PRIM2: variants seen among roughly 807,000 people sequenced by gnomAD.
PRIM2 encodes the protein DNA primase subunit 2, also known as DNA primase large subunit.
PRIM2 carries 39 observed loss-of-function variants against 67.3 expected under a neutral mutation model. That is an observed-to-expected ratio of 0.58 (90% CI 0.45 to 0.76). The LOEUF (loss-of-function observed/expected upper bound fraction) is 0.76. PRIM2 is among the 30% of genes least tolerant of loss of function. The pLI is 0.00. For synonymous variants in PRIM2, 143 were observed against 198.7 expected, an observed-to-expected ratio of 0.72 and a Z score of 2.36; for missense variants, 398 against 598.7, an observed-to-expected ratio of 0.66 and a Z score of 3.50.
At chr6:57,524,561 C>T (rs1425360702) in intron 8 of PRIM2, among the ~76,000 whole-genome samples, 1 of 151,994 alleles carries the variant, frequency 6.6e-6, no homozygotes, top group Non-Finnish European at 1.5e-5. Context: ...ATTAGCCAGG[C>T]ATGGTGGCAC....
At chr6:57,525,613 A>G (rs1774733606) in intron 8 of PRIM2, among the ~76,000 whole-genome samples, 1 of 152,200 alleles carries the variant, frequency 6.6e-6, no homozygotes, top group Admixed American at 6.5e-5. Flanking sequence ...TTTCAACAAC[A>G]TTCTAATAAC....
chr6:57,627,308 AG>A (rs1776966797), intron 12 of PRIM2, among the ~76,000 whole-genome samples: 1 of 143,128 alleles, frequency 7.0e-6, no homozygotes, highest in Non-Finnish European at 1.5e-5. Flanking sequence ...AAAAAAAAAA[AG>A]TTTAAAAATA....
At chr6:57,578,654 CTCCT>C (rs1776005302) in intron 10 of PRIM2, among the ~76,000 whole-genome samples, 2 of 149,626 alleles carry the variant, frequency 1.3e-5, no homozygotes, top group African/African-American at 4.9e-5. Flanking sequence ...CTTGACACAC[CTCCT>C]TCCTTCTTTT....
chr6:57,439,047 A>G (rs1307091218), intron 7 of PRIM2, among the ~76,000 whole-genome samples: 1 of 152,100 alleles, frequency 6.6e-6, no homozygotes, highest in Non-Finnish European at 1.5e-5. Context: ...GCATCTTAGG[A>G]TAGAAATCAC....
At chr6:57,576,912 C>CT (rs1305474825) in intron 10 of PRIM2, among the ~76,000 whole-genome samples, 6 of 150,840 alleles carry the variant, frequency 4.0e-5, no homozygotes, top group African/African-American at 1.5e-4. Context: ...ACAAAATCAT[C>CT]TTTTTTATAC....
intron 7 of PRIM2, among the ~76,000 whole-genome samples, chr6:57,454,333 T>C (rs1161711543): frequency 1.3e-5 from 2 of 152,234 alleles, no homozygotes; most frequent in Admixed American, 6.5e-5. Flanking sequence ...CCTCTTTTTC[T>C]ATTGATTGGA....
chr6:57,603,103 C>T (rs1463766709), intron 11 of PRIM2, among the ~76,000 whole-genome samples: 2 of 152,084 alleles, frequency 1.3e-5, no homozygotes, highest in Non-Finnish European at 2.9e-5. Context: ...ATGTTTTCTC[C>T]CCATCTGTGC....
chr6:57,352,528 C>T (rs1024232458), intron 5 of PRIM2, among the ~76,000 whole-genome samples: 3 of 152,144 alleles, frequency 2.0e-5, no homozygotes, highest in African/African-American at 4.8e-5. Flanking sequence ...TGTGAGCCAC[C>T]ACGCCCGGCC....
chr6:57,638,658 G>A (rs1777169006), intron 13 of PRIM2, among the ~76,000 whole-genome samples: 1 of 135,788 alleles, frequency 7.4e-6, no homozygotes, highest in Admixed American at 7.6e-5. Context: ...AAGATCAAAA[G>A]AGAGACGGGC....
chr6:57,407,438 T>G (rs1770928323), intron 7 of PRIM2, among the ~76,000 whole-genome samples: 1 of 151,916 alleles, frequency 6.6e-6, no homozygotes, highest in East Asian at 1.9e-4. Context: ...CTTAAATGGC[T>G]TCATTGTTTT....
chr6:57,571,515 G>A (rs1775861905), intron 10 of PRIM2, among the ~76,000 whole-genome samples: 1 of 152,040 alleles, frequency 6.6e-6, no homozygotes, highest in African/African-American at 2.4e-5. Context: ...GCCGGGCATG[G>A]TGGCGTGGCC....
intron 13 of PRIM2, among the ~76,000 whole-genome samples, chr6:57,645,405 A>ATTTTTTTTTTTTTTTTTT (rs1458949369): frequency 6.7e-6 from 1 of 148,666 alleles, no homozygotes; most frequent in African/African-American, 2.5e-5. Context: ...TAGTTTTCTA[A>ATTTTTTTTTTTTTTTTTT]TTTTTTGTTT....
chr6:57,500,541 A>G (rs1200962852), intron 7 of PRIM2, among the ~76,000 whole-genome samples: 5 of 152,234 alleles, frequency 3.3e-5, no homozygotes, highest in Non-Finnish European at 7.3e-5. Context: ...CAGTGTTCCA[A>G]AGTGTAAAAG....
intron 5 of PRIM2, among the ~76,000 whole-genome samples, chr6:57,361,389 C>T: frequency 6.6e-6 from 1 of 151,938 alleles, no homozygotes; most frequent in African/African-American, 2.4e-5. Context: ...AGAACCGTGA[C>T]TTAGGATAGG....
At chr6:57,531,088 C>T (rs1453550492) in intron 8 of PRIM2, among the ~76,000 whole-genome samples, 1 of 152,128 alleles carries the variant, frequency 6.6e-6, no homozygotes, top group Admixed American at 6.5e-5. Context: ...GCATCTTGAG[C>T]GTATATGTGG....
chr6:57,396,521 C>T (rs9475921), intron 7 of PRIM2, among the ~76,000 whole-genome samples: 11,472 of 151,790 alleles, frequency 0.076, 1,378 homozygotes, highest in African/African-American at 0.26. Context: ...TTCCACCCCT[C>T]ACTTTAAGTT....
chr6:57,558,092 C>A (rs1775552086), intron 10 of PRIM2, among the ~76,000 whole-genome samples: 1 of 152,100 alleles, frequency 6.6e-6, no homozygotes, highest in Non-Finnish European at 1.5e-5. Flanking sequence ...CAGTTATTTG[C>A]CATGTGACTT....
intron 7 of PRIM2, among the ~76,000 whole-genome samples, chr6:57,498,015 T>C (rs1256742956): frequency 6.6e-6 from 1 of 152,194 alleles, no homozygotes; most frequent in East Asian, 1.9e-4. Context: ...TTTCTGTTGT[T>C]AAAATCAATG....
At chr6:57,234,705 A>T in the PRIM2 span, among the ~76,000 whole-genome samples, 1 of 151,984 alleles carries the variant, frequency 6.6e-6, no homozygotes, top group Non-Finnish European at 1.5e-5. Context: ...TTGTATTTTT[A>T]GTAGAGATGG....
Sources: gnomAD v4.1 joint callset for allele counts (sites outside exome capture counted in the v4.1 genomes callset) on GRCh38, gnomAD v4.1.1 for gene constraint, MANE v1.5 for transcripts, NCBI Gene and HGNC (gene_info 2026-07-23, HGNC 2026-07-21) for gene names.